Variants in SLC12A5 observed in about 807,000 individuals in gnomAD.
SLC12A5 encodes the protein K-Cl cotransporter 2.
A neutral mutation model predicts 124.0 loss-of-function variants in SLC12A5; 18 were observed. That is an observed-to-expected ratio of 0.15 (90% CI 0.10 to 0.22). The LOEUF (loss-of-function observed/expected upper bound fraction) is 0.22, where lower values mean the gene tolerates loss of function less well. Among genes scored for constraint, SLC12A5 ranks in the 10% least tolerant of loss-of-function variants. The pLI, the probability that SLC12A5 is intolerant of heterozygous loss-of-function variation, is 1.00. For missense variants in SLC12A5, 867 were observed against 1,478.7 expected (o/e 0.59, Z 6.78); for synonymous variants, 589 against 568.0 (o/e 1.04, Z -0.53).
chr20:46,038,794 G>A (rs375582719), intron 6 of SLC12A5, among the ~76,000 whole-genome samples: 4 of 152,214 alleles, frequency 2.6e-5, no homozygotes, highest in South Asian at 2.1e-4. Context: ...ATACATTTAC[G>A]TGTCCTCTAT....
intron 1 of SLC12A5, among the ~76,000 whole-genome samples, chr20:46,033,117 A>G (rs1407853651): frequency 6.6e-6 from 1 of 152,142 alleles, no homozygotes; most frequent in African/African-American, 2.4e-5. Flanking sequence ...TCCTGGCCCA[A>G]TTTTTAGTCA....
At position 46,051,839 on chromosome 20, in the gene SLC12A5, G is replaced by A; in HGVS notation, c.2346G>A (p.Lys782=). The A allele has an allele frequency of 6.3e-7, 1 of 1,585,054 alleles. No individual in the cohort carries two copies. Among genetic ancestry groups the A allele is most frequent in the Non-Finnish European group, 8.6e-7 (1 of 1,168,202 alleles). ...LVGWPRNWRQ[K]EDHQTWRNFI... The stretch of plus-strand genomic sequence containing the variant: ...GCTGGCCCCGCAACTGGCGCCAGAA[G>A]GAAGATCATCAGACGTGGAGGAACT... The change falls in exon 18 of 26, where the codon AAG becomes AAA. Residue 782 remains lysine (K), a synonymous_variant. Transcript: ENST00000243964.
intron 17 of SLC12A5, among the ~76,000 whole-genome samples, chr20:46,051,198 A>G (rs1362492304): frequency 6.6e-6 from 1 of 152,214 alleles, no homozygotes; most frequent in Non-Finnish European, 1.5e-5. Context: ...TATTTCCCTC[A>G]TAGTACAGTT....
chr20:46,048,880 G>C (rs2084623963), intron 16 of SLC12A5, among the ~76,000 whole-genome samples: 1 of 144,160 alleles, frequency 6.9e-6, no homozygotes, highest in South Asian at 2.3e-4. Context: ...AAAAAAAAAG[G>C]GGGAAATTGG....
chr20:46,033,732 T>C (rs1021634773), intron 1 of SLC12A5, among the ~76,000 whole-genome samples: 1 of 152,136 alleles, frequency 6.6e-6, no homozygotes, highest in Non-Finnish European at 1.5e-5. Context: ...CATTCACCCA[T>C]GCTAGAAACC....
In SLC12A5 at chr20:46,057,071, C is replaced by T. The variant is rs2084702333; in HGVS notation, c.3126-99C>T. The T allele has an allele frequency of 6.3e-7, 1 of 1,596,272 alleles. No homozygotes were observed. The highest frequency in any genetic ancestry group is 8.6e-7 in the Non-Finnish European group (1 of 1,167,210). On this transcript the variant is annotated intron_variant, in intron 24 of 25. Coordinates refer to ENST00000243964, the MANE Select transcript of SLC12A5 (RefSeq NM_020708.5). The surrounding 1 kb of genome is among the most constrained non-coding windows in gnomAD (Gnocchi z 7.1). Reference sequence around the variant, plus strand: ...ATTGGTGGTCCTAGGCTTGCAAGAACCAGTCCCCAGCAGCCCAGTTCGGGC... The same window carrying T: ...ATTGGTGGTCCTAGGCTTGCAAGAATCAGTCCCCAGCAGCCCAGTTCGGGC...
intron 1 of SLC12A5, chr20:46,022,915 C>T: frequency 2.7e-6 from 1 of 368,620 alleles, no homozygotes; most frequent in Non-Finnish European, 4.7e-6. Context: ...AGGAACAAGG[C>T]GAATCGGCTT....
In SLC12A5 at chr20:46,048,996, C is replaced by G. The variant is rs1224482176; in HGVS notation, c.2013-626C>G. 2.0e-5 allele frequency among the ~76,000 whole-genome samples: 3 copies of G among 152,180 alleles called. No individual in the cohort carries two copies. The East Asian group carries it at 5.8e-4, about 29-fold the overall frequency. On this transcript the variant is annotated intron_variant, in intron 16 of 25. Coordinates refer to ENST00000243964, the MANE Select transcript of SLC12A5 (RefSeq NM_020708.5). ...TGCATGCCCAACCCCTCACTCATCT[C>G]CCTGTGTTTCACCTTGCCAAGAGTA...
rs1339644989 is a variant in SLC12A5 at position 46,059,571 on chromosome 20, G to A, written c.*1966G>A. 2 of 398,934 alleles carry A rather than the reference G, an allele frequency of 5.0e-6. No homozygotes were observed. Among genetic ancestry groups the A allele is most frequent in the Non-Finnish European group, 8.8e-6 (2 of 226,074 alleles). The allele number at this position is 398,934 out of a possible 1,614,324, so 24.7% of individuals were successfully genotyped here. Reference sequence around the variant, plus strand: ...GGGGGCTGTATCAACATCAATTAGGGAACCAAAGTTGCACTATCTGGGCCC... The same window carrying A: ...GGGGGCTGTATCAACATCAATTAGGAAACCAAAGTTGCACTATCTGGGCCC... On this transcript the variant is annotated 3_prime_UTR_variant, in exon 26 of 26. Transcript: ENST00000243964.
intron 13 of SLC12A5, 116 bp from the exon 14 acceptor site, chr20:46,046,222 G>A: frequency 1.0e-6 from 1 of 978,666 alleles, no homozygotes; most frequent in Non-Finnish European, 1.6e-6. Context: ...ACCACAGCAT[G>A]ATCTGGCCAC....
rs1284962815 is a variant in SLC12A5, at chr20:46,058,786, C to G, written c.*1181C>G. The stretch of plus-strand genomic sequence containing the variant: ...TTTAGGGGCCGGACCCACTGAGAGG[C>G]CCCAGAGCCGCCCGTGATGTTCCTC... On this transcript the variant is annotated 3_prime_UTR_variant, in exon 26 of 26. Transcript: ENST00000243964. The surrounding 1 kb of genome is among the most constrained non-coding windows in gnomAD (Gnocchi z 5.8). The G allele has an allele frequency of 5.0e-5, 20 of 398,246 alleles. No individual in the cohort carries two copies. The highest frequency in any genetic ancestry group is 7.5e-5 in the Non-Finnish European group (17 of 226,126). 24.7% of individuals were successfully genotyped at this position (398,246 alleles called of 1,614,324 possible). A position where few individuals can be genotyped will look rare whatever the true frequency, so the allele number is the denominator to read the frequency against.
upstream of SLC12A5, chr20:46,029,189 A>C: frequency 7.0e-7 from 1 of 1,435,030 alleles, no homozygotes; most frequent in Non-Finnish European, 9.1e-7. Flanking sequence ...TCCGTGTGCG[A>C]GTGTGTGTGC....
At chr20:46,030,370 G>A (rs2034098598) in intron 1 of SLC12A5, among the ~76,000 whole-genome samples, 1 of 152,200 alleles carries the variant, frequency 6.6e-6, no homozygotes. Context: ...GAGGGGCTTG[G>A]GACAAGTCCT....
chr20:46,029,858 CTGTGTGTGTGTG>C (rs3080279), intron 1 of SLC12A5, among the ~76,000 whole-genome samples: 61 of 133,090 alleles, frequency 4.6e-4, no homozygotes, highest in African/African-American at 1.6e-3. Flanking sequence ...GAAGAGGTGG[CTGTGTGTGTGTG>C]TGTGTGTGTG....
chr20:46,030,253 C>T (rs1474622105), intron 1 of SLC12A5, among the ~76,000 whole-genome samples: 2 of 152,202 alleles, frequency 1.3e-5, no homozygotes. Context: ...GCTCTGCTAG[C>T]TTCCCCAGTG....
chr20:46,040,689 TC>T lies in SLC12A5; in HGVS notation c.854+80del. On this transcript the variant is annotated intron_variant, in intron 7 of 25. Transcript: ENST00000243964. ...CCCTGTTTCAGAGTCTCTGCCAAAC[TC>T]CCCCTCCCTGCCCCTCAGAATCTCA... 3.8e-6 allele frequency: 6 copies of T among 1,567,952 alleles called. 2 individuals are homozygous for T. In the South Asian group the frequency reaches 7.2e-5, roughly 19 times the overall value.
At chr20:46,038,362 ATTT>A (rs1467384529) in intron 6 of SLC12A5, 1 of 151,804 alleles carries the variant, frequency 6.6e-6, no homozygotes. Flanking sequence ...TAATTTTTGT[ATTT>A]TTTTGTAGAT....
Position 46,047,970 on chromosome 20 carries a change from C to T in SLC12A5, c.1908-11C>T. ...TTTCTGCTCTCATGTGATCCACTTC[C>T]CGGCTCCCAGGGCAGAGAAGGAGTG... On this transcript the variant is annotated splice_polypyrimidine_tract_variant and intron_variant, in intron 15 of 25. Transcript: ENST00000243964. 1 of 1,601,360 alleles carries T rather than the reference C, an allele frequency of 6.2e-7. No individual in the cohort carries two copies. Among genetic ancestry groups the T allele is most frequent in the Admixed American group, 1.7e-5 (1 of 58,210 alleles).
chr20:46,023,874 A>T (rs2084375868), downstream of SLC12A5, among the ~76,000 whole-genome samples: 1 of 152,104 alleles, frequency 6.6e-6, no homozygotes, highest in Admixed American at 6.5e-5. Flanking sequence ...CCTGGCACTT[A>T]GTAGGTGTGT....
Sources: allele counts gnomAD v4.1 joint callset (sites outside exome capture counted in the v4.1 genomes callset), GRCh38; gene constraint gnomAD v4.1.1; non-coding constraint Gnocchi (gnomAD v3.1); transcripts MANE v1.5; gene names NCBI Gene and HGNC (gene_info 2026-07-23, HGNC 2026-07-21).